Variants in CSRNP3 observed in about 807,000 individuals in gnomAD.
CSRNP3 encodes cysteine and serine rich nuclear protein 3.
CSRNP3 carries 12 observed loss-of-function variants against 48.0 expected under a neutral mutation model. That is an observed-to-expected ratio of 0.25 (90% confidence interval 0.16 to 0.41). The LOEUF (loss-of-function observed/expected upper bound fraction) is 0.41, where lower values mean the gene tolerates loss of function less well. CSRNP3 is among the 10% of genes least tolerant of loss of function. The pLI is 1.00. For synonymous variants in CSRNP3, 263 were observed against 269.7 expected, an observed-to-expected ratio of 0.98 and a Z score of 0.24; for missense variants, 580 against 724.4, an observed-to-expected ratio of 0.80 and a Z score of 2.29.
intron 4 of CSRNP3, among the ~76,000 whole-genome samples, chr2:165,618,467 C>T (rs1282017812): frequency 6.6e-6 from 1 of 152,216 alleles, no homozygotes; most frequent in African/African-American, 2.4e-5. Context: ...TTTGCTAATA[C>T]AGACTACCCA....
chr2:165,494,264 G>A (rs1008821537), intron 1 of CSRNP3, among the ~76,000 whole-genome samples: 5 of 152,002 alleles, frequency 3.3e-5, no homozygotes, highest in Non-Finnish European at 5.9e-5. Flanking sequence ...CAACCAATTT[G>A]ATTTTTGATG....
intron 4 of CSRNP3, among the ~76,000 whole-genome samples, chr2:165,653,406 T>C (rs1686947558): frequency 6.6e-6 from 1 of 152,206 alleles, no homozygotes; most frequent in Non-Finnish European, 1.5e-5. Flanking sequence ...CTATTCCTAA[T>C]TCCTTTTGAC....
At chr2:165,617,711 G>T (rs1416156268) in intron 4 of CSRNP3, among the ~76,000 whole-genome samples, 3 of 152,194 alleles carry the variant, frequency 2.0e-5, no homozygotes, top group Non-Finnish European at 4.4e-5. Flanking sequence ...CACAACTGGA[G>T]GGGATGGTCA....
At chr2:165,531,870 A>G (rs2105244291) in intron 3 of CSRNP3, among the ~76,000 whole-genome samples, 1 of 152,244 alleles carries the variant, frequency 6.6e-6, no homozygotes, top group South Asian at 2.1e-4. Flanking sequence ...AAAATGATAA[A>G]GGGGATATCA....
At position 165,592,994 on chromosome 2, in the gene CSRNP3, G is replaced by A. The variant is rs113860637; in HGVS notation, c.-23-2049G>A. The stretch of plus-strand genomic sequence containing the variant: ...TTTTTTGTATTTTTAGTAGAGACGG[G>A]GTTTCACCGTTTTAGCCGGGATGGT... On this transcript the variant is annotated intron_variant, in intron 3 of 6. Coordinates refer to ENST00000651982, the MANE Select transcript of CSRNP3 (RefSeq NM_001172173.2). Among the ~76,000 whole-genome samples, 347 of 151,264 alleles carry A rather than the reference G, an allele frequency of 2.3e-3. 1 individual carries two copies. Among genetic ancestry groups the A allele is most frequent in the African/African-American group, 8.0e-3 (331 of 41,212 alleles).
At position 165,679,060 on chromosome 2, in the gene CSRNP3, A is replaced by G; in HGVS notation, c.1065A>G (p.Gly355=). 4 of 1,613,888 alleles carry G rather than the reference A, an allele frequency of 2.5e-6. No homozygotes were observed. In the South Asian group the frequency reaches 3.3e-5, roughly 13 times the overall value. The part of the protein sequence containing the change: ...EEEDGSSFCS[G]VTDSSTQSLA... ...AGGATGGGAGCAGCTTTTGCAGCGG[A>G]GTCACAGATTCTAGCACGCAAAGCT... The change falls in exon 7 of 7, where the codon GGA becomes GGG. Residue 355 remains glycine, a synonymous_variant. Coordinates refer to ENST00000651982, the MANE Select transcript of CSRNP3 (RefSeq NM_001172173.2).
intron 4 of CSRNP3, among the ~76,000 whole-genome samples, chr2:165,635,842 C>T (rs1393921577): frequency 1.3e-5 from 2 of 152,112 alleles, no homozygotes; most frequent in Non-Finnish European, 2.9e-5. Flanking sequence ...CAGTGCATGA[C>T]AAACATGCAA....
At chr2:165,567,250 G>T (rs959303684) in intron 3 of CSRNP3, among the ~76,000 whole-genome samples, 1 of 152,052 alleles carries the variant, frequency 6.6e-6, no homozygotes, top group African/African-American at 2.4e-5. Flanking sequence ...AACATTTATG[G>T]TCACTAAGAA....
chr2:165,493,369 C>G (rs1306240997), intron 1 of CSRNP3, among the ~76,000 whole-genome samples: 1 of 152,098 alleles, frequency 6.6e-6, no homozygotes, highest in East Asian at 1.9e-4. Flanking sequence ...CAAACTGATG[C>G]ATCTCTAGTC....
intron 4 of CSRNP3, among the ~76,000 whole-genome samples, chr2:165,622,414 G>A (rs976046299): frequency 6.6e-6 from 1 of 152,084 alleles, no homozygotes; most frequent in Admixed American, 6.6e-5. Context: ...TTTAACTGCT[G>A]CAACAAAATA....
At position 165,686,367 on chromosome 2, in the gene CSRNP3, AG is replaced by A. The variant is rs1167672008; in HGVS notation, c.*6615del. On this transcript the variant is annotated 3_prime_UTR_variant, in exon 7 of 7. Transcript: ENST00000651982. ...AGGAGTTTGAAATTTCTACCTTTGT[AG>A]TACATTGTATCCAATTTTGTTTTGC... The A allele has an allele frequency of 7.2e-5, 11 of 152,194 alleles. 1 individual carries two copies. The Middle Eastern group carries it at 0.027, about 376-fold the overall frequency. 9.4% of individuals were successfully genotyped at this position (152,194 alleles called of 1,614,324 possible).
At chr2:165,567,668 A>G (rs1685315960) in intron 3 of CSRNP3, among the ~76,000 whole-genome samples, 1 of 152,032 alleles carries the variant, frequency 6.6e-6, no homozygotes, top group Admixed American at 6.6e-5. Flanking sequence ...GTGTGTTTTA[A>G]GTCTTAGTTT....
At chr2:165,638,589 A>G (rs11687422) in intron 4 of CSRNP3, among the ~76,000 whole-genome samples, 1,837 of 152,340 alleles carry the variant, frequency 0.012, 29 homozygotes, top group Non-Finnish European at 0.017. Flanking sequence ...AATCTTTAAT[A>G]TGCCAACAAG....
rs1274541500 is a variant in CSRNP3, at chr2:165,680,739, T to C, written c.*986T>C. The C allele has an allele frequency of 2.0e-5, 3 of 152,090 alleles. No homozygotes were observed. The highest frequency in any genetic ancestry group is 4.4e-5 in the Non-Finnish European group (3 of 68,002). The allele number at this position is 152,090 out of a possible 1,614,324, so 9.4% of individuals were successfully genotyped here. ...TTTAACTATTATAAGGTTCATATAA[T>C]TAATATAGAGGAATCATCCAATGAT... On this transcript the variant is annotated 3_prime_UTR_variant, in exon 7 of 7. Coordinates refer to ENST00000651982, the MANE Select transcript of CSRNP3 (RefSeq NM_001172173.2).
rs1687643305 is a variant in CSRNP3, at chr2:165,687,155, T to G, written c.*7402T>G. 6.6e-6 allele frequency: 1 copy of G among 152,096 alleles called. No homozygotes were observed. The highest frequency in any genetic ancestry group is 2.4e-5 in the African/African-American group (1 of 41,430). The allele number at this position is 152,096 out of a possible 1,614,324, so 9.4% of individuals were successfully genotyped here. On this transcript the variant is annotated 3_prime_UTR_variant, in exon 7 of 7. Transcript: ENST00000651982. The stretch of plus-strand genomic sequence containing the variant: ...ATTGTACTAGGGGATTCAAGGGAAG[T>G]TGGGTTTCCCCCTACATTTGGTGAT...
chr2:165,615,576 A>G (rs1412460883), intron 4 of CSRNP3, among the ~76,000 whole-genome samples: 2 of 151,576 alleles, frequency 1.3e-5, no homozygotes, highest in East Asian at 1.9e-4. Context: ...GAATTGTTAT[A>G]TCCTCTTGCT....
chr2:165,540,848 T>G (rs1684947129), intron 3 of CSRNP3, among the ~76,000 whole-genome samples: 1 of 152,066 alleles, frequency 6.6e-6, no homozygotes, highest in Non-Finnish European at 1.5e-5. Flanking sequence ...GGTAGTTTGG[T>G]AGTCCTTCTC....
intron 2 of CSRNP3, among the ~76,000 whole-genome samples, chr2:165,499,265 C>T (rs533189475): frequency 3.3e-5 from 5 of 152,236 alleles, no homozygotes; most frequent in South Asian, 2.1e-4. Context: ...ATGAAATCTG[C>T]GCCTGAAGCA....
At chr2:165,608,838 C>T (rs1299055431) in intron 4 of CSRNP3, among the ~76,000 whole-genome samples, 3 of 149,844 alleles carry the variant, frequency 2.0e-5, no homozygotes, top group Admixed American at 6.7e-5. Flanking sequence ...CGCCTGTAAT[C>T]CCAGCACTTT....
Sources: gnomAD v4.1 joint callset for allele counts (sites outside exome capture counted in the v4.1 genomes callset) on GRCh38, gnomAD v4.1.1 for gene constraint, MANE v1.5 for transcripts, NCBI Gene and HGNC (gene_info 2026-07-23, HGNC 2026-07-21) for gene names.